The following PAX9 variants were observed in gnomAD, a reference collection of about 807,000 sequenced individuals.
PAX9 encodes paired box protein Pax-9.
A neutral mutation model predicts 29.1 loss-of-function variants in PAX9; 6 were observed. The ratio of observed to expected loss-of-function variants is 0.21; its 90% CI spans 0.11 to 0.41. The LOEUF (loss-of-function observed/expected upper bound fraction) is 0.41. Among genes scored for constraint, PAX9 ranks in the 10% least tolerant of loss-of-function variants. PAX9 has a pLI of 1.00. For synonymous variants in PAX9, 217 were observed against 211.7 expected (o/e 1.03, Z -0.22); for missense variants, 443 against 479.1 (o/e 0.92, Z 0.70).
At chr14:36,657,568 C>T (rs1022896599), upstream of PAX9, 2 of 152,234 alleles carry the variant, frequency 1.3e-5, no homozygotes, top group African/African-American at 4.8e-5. Context: ...AGCAACAGGC[C>T]CCTCCCCTGC....
rs1882069830 is a variant in PAX9 at position 36,679,252 on chromosome 14, A to T, written c.*2800A>T. The T allele has an allele frequency of 2.0e-6, 2 of 984,178 alleles. No individual in the cohort carries two copies. Among genetic ancestry groups the T allele is most frequent in the Non-Finnish European group, 2.4e-6 (2 of 828,784 alleles). The allele number at this position is 984,178 out of a possible 1,614,324, so 61.0% of individuals were successfully genotyped here. ...ATTGGACTGAAATATAAATTTTAAAAAACACGTTGGAAAGGATGTACAACA... is the reference window on the plus strand; with the variant it reads ...ATTGGACTGAAATATAAATTTTAAATAACACGTTGGAAAGGATGTACAACA... On this transcript the variant is annotated 3_prime_UTR_variant, in exon 4 of 4. Coordinates refer to ENST00000361487, the MANE Select transcript of PAX9 (RefSeq NM_001372076.1).
intron 1 of PAX9, 114 bp downstream of exon 1, chr14:36,662,207 C>A: frequency 1.7e-6 from 2 of 1,179,944 alleles, no homozygotes; most frequent in South Asian, 1.6e-5. Flanking sequence ...CGCTCACATT[C>A]TCTATTGACT....
chr14:36,667,009 T>C (rs1456283476), intron 3 of PAX9, among the ~76,000 whole-genome samples: 1 of 152,030 alleles, frequency 6.6e-6, no homozygotes, highest in African/African-American at 2.4e-5. Flanking sequence ...CCCTGGGGCC[T>C]CAGAGCCGCG....
At chr14:36,675,020 G>C (rs980860811) in intron 3 of PAX9, among the ~76,000 whole-genome samples, 11 of 152,150 alleles carry the variant, frequency 7.2e-5, no homozygotes, top group African/African-American at 2.7e-4. Context: ...TAATTCCTGT[G>C]TTGCAATTGA....
In PAX9 at chr14:36,677,265, C is replaced by T. The variant is rs1409595274; in HGVS notation, c.*813C>T. The T allele has an allele frequency of 1.3e-5, 2 of 152,162 alleles. No homozygotes were observed. Among genetic ancestry groups the T allele is most frequent in the Non-Finnish European group, 2.9e-5 (2 of 68,114 alleles). The allele number at this position is 152,162 out of a possible 1,614,324, so 9.4% of individuals were successfully genotyped here. A position where few individuals can be genotyped will look rare whatever the true frequency, so the allele number is the denominator to read the frequency against. ...GTTTGGTGGTGGGCTGCTCGGGCTC[C>T]TGGACCTGGACTTGCCCCCAAATTT... On this transcript the variant is annotated 3_prime_UTR_variant, in exon 4 of 4. Transcript: ENST00000361487.
intron 3 of PAX9, among the ~76,000 whole-genome samples, chr14:36,673,068 G>A (rs1371556724): frequency 1.3e-5 from 2 of 151,346 alleles, no homozygotes; most frequent in Non-Finnish European, 2.9e-5. Flanking sequence ...GTTTCACTAT[G>A]TTGGCCAGGC....
In PAX9 at chr14:36,663,457, C is replaced by T. The variant is rs1298394734; in HGVS notation, c.565C>T (p.Pro189Ser). The T allele has an allele frequency of 2.5e-6, 4 of 1,612,982 alleles. No individual in the cohort carries two copies. Among genetic ancestry groups the T allele is most frequent in the Non-Finnish European group, 3.4e-6 (4 of 1,179,770 alleles). ...TGCCATCCCCGGTTCGGTGGCCATG[C>T]CGCGCACCTGGCCCTCCTCGCACTC... ...VPAIPGSVAM[P>S]RTWPSSHSVT... The change falls in exon 2 of 4, where the codon CCG (proline) becomes TCG (serine). Residue 189 changes from proline (P) to serine (S), a missense_variant. Transcript: ENST00000361487.
Position 36,678,693 on chromosome 14 carries a change from G to A in PAX9, c.*2241G>A, listed in dbSNP as rs1315872535. ...TTGCTTGTGTGGAAATGCAAATAAT[G>A]TTATTTTCTTTATCTAAATTAAGAA... On this transcript the variant is annotated 3_prime_UTR_variant, in exon 4 of 4. Coordinates refer to ENST00000361487, the MANE Select transcript of PAX9 (RefSeq NM_001372076.1). The A allele has an allele frequency of 2.4e-6, 3 of 1,240,964 alleles. No individual in the cohort carries two copies. Among genetic ancestry groups the A allele is most frequent in the South Asian group, 3.6e-5 (1 of 27,644 alleles). 76.9% of individuals were successfully genotyped at this position (1,240,964 alleles called of 1,614,324 possible). A position where few individuals can be genotyped will look rare whatever the true frequency, so the allele number is the denominator to read the frequency against.
rs1275089064 is a variant in PAX9, at chr14:36,678,567, T to C, written c.*2115T>C. On this transcript the variant is annotated 3_prime_UTR_variant, in exon 4 of 4. Transcript: ENST00000361487. Reference sequence around the variant, plus strand: ...TGGAGACTTCTTTAAAACCATACCATACAGGGACTCTCCTGTCATCTGAAA... The same window carrying C: ...TGGAGACTTCTTTAAAACCATACCACACAGGGACTCTCCTGTCATCTGAAA... The C allele has an allele frequency of 1.3e-6, 2 of 1,532,862 alleles. No individual in the cohort carries two copies. The highest frequency in any genetic ancestry group is 1.2e-5 in the South Asian group (1 of 83,424). The allele number at this position is 1,532,862 out of a possible 1,614,324, so 95.0% of individuals were successfully genotyped here.
chr14:36,671,294 T>C (rs759767939), intron 3 of PAX9, among the ~76,000 whole-genome samples: 13 of 152,108 alleles, frequency 8.5e-5, no homozygotes, highest in Non-Finnish European at 1.8e-4. Context: ...GTCTATAACC[T>C]CTAACTGCCA....
At position 36,677,484 on chromosome 14, in the gene PAX9, A is replaced by G. The variant is rs1189778703; in HGVS notation, c.*1032A>G. ...TCTAAAGGAAGTCACTTAGAAACTT[A>G]AGTTTAATGTGAAATGTTTTGCAAA... On this transcript the variant is annotated 3_prime_UTR_variant, in exon 4 of 4. Coordinates refer to ENST00000361487, the MANE Select transcript of PAX9 (RefSeq NM_001372076.1). 1 of 152,254 alleles carries G rather than the reference A, an allele frequency of 6.6e-6. No homozygotes were observed. The highest frequency in any genetic ancestry group is 1.5e-5 in the Non-Finnish European group (1 of 68,030). The allele number at this position is 152,254 out of a possible 1,614,324, so 9.4% of individuals were successfully genotyped here.
At chr14:36,672,520 ATGT>A (rs1881722543) in intron 3 of PAX9, among the ~76,000 whole-genome samples, 1 of 152,194 alleles carries the variant, frequency 6.6e-6, no homozygotes, top group Non-Finnish European at 1.5e-5. Context: ...TCTTTTACTA[ATGT>A]TATGTGTCAA....
rs1383515076 is a variant in PAX9 at position 36,676,409 on chromosome 14, C to A, written c.983C>A (p.Ala328Glu). 1 of 1,614,084 alleles carries A rather than the reference C, an allele frequency of 6.2e-7. No homozygotes were observed. ...TCGCTGGCGTTCAAGGGAATGCAGG[C>A]AGCCAGAGAAGGTAGTCATTCTGTC... ...PASLAFKGMQAAREGSHSVTA... is the reference protein window; with the variant it reads ...PASLAFKGMQEAREGSHSVTA... The change falls in exon 4 of 4, where the codon GCA becomes GAA. Residue 328 changes from alanine (A) to glutamate (E), a missense_variant. Ala to Glu is a moderately radical substitution (Grantham distance 107, BLOSUM62 -1). Coordinates refer to ENST00000361487, the MANE Select transcript of PAX9 (RefSeq NM_001372076.1).
At position 36,663,241 on chromosome 14, in the gene PAX9, G is replaced by A; in HGVS notation, c.349G>A (p.Val117Met). 1 of 1,614,110 alleles carries A rather than the reference G, an allele frequency of 6.2e-7. No homozygotes were observed. The highest frequency in any genetic ancestry group is 8.5e-7 in the Non-Finnish European group (1 of 1,180,040). ...LADGVCDKYN[V>M]PSVSSISRIL... ...GGACGGCGTGTGCGACAAGTACAAT[G>A]TGCCCTCCGTGAGCTCCATCAGCCG... The change falls in exon 2 of 4, where the codon GTG becomes ATG. Residue 117 changes from valine to methionine, a missense_variant. This residue lies in a region of PAX9 where 336 missense variants were observed against 317.2 expected (regional missense o/e 1.06). Coordinates refer to ENST00000361487, the MANE Select transcript of PAX9 (RefSeq NM_001372076.1).
Position 36,666,540 on chromosome 14 carries a change from C to A in PAX9, c.710C>A (p.Ala237Asp). The change falls in exon 3 of 4, where the codon GCC becomes GAC. Residue 237 changes from alanine to aspartate, a missense_variant. Transcript: ENST00000361487. ...GGCCGCAACAACTTCCCCGCCGCCGCCCCGCACGCGGTGAACGGGTTGGAG... is the reference window on the plus strand; with the variant it reads ...GGCCGCAACAACTTCCCCGCCGCCGACCCGCACGCGGTGAACGGGTTGGAG... ...SLGRNNFPAA[A>D]PHAVNGLEKG... 1 of 1,593,150 alleles carries A rather than the reference C, an allele frequency of 6.3e-7. No homozygotes were observed. The highest frequency in any genetic ancestry group is 1.1e-5 in the South Asian group (1 of 87,616).
In PAX9 at chr14:36,663,576, T is replaced by C. The variant is rs1283935038; in HGVS notation, c.631+53T>C. 2.5e-6 allele frequency: 4 copies of C among 1,604,836 alleles called. No individual in the cohort carries two copies. In the African/African-American group the frequency reaches 4.0e-5, roughly 16 times the overall value. On this transcript the variant is annotated intron_variant, in intron 2 of 3. Coordinates refer to ENST00000361487, the MANE Select transcript of PAX9 (RefSeq NM_001372076.1). ...ATGTGCAGCGTCTGCCCCCGCACTC[T>C]CGCGGAGGTCCCAGTATCTGCAGCC...
intron 3 of PAX9, among the ~76,000 whole-genome samples, chr14:36,674,827 C>T (rs1881824557): frequency 1.3e-5 from 2 of 152,112 alleles, no homozygotes; most frequent in African/African-American, 4.8e-5. Context: ...AAGGCTAACC[C>T]CTCTAATATT....
At chr14:36,665,559 C>G (rs1352556962) in intron 2 of PAX9, among the ~76,000 whole-genome samples, 1 of 152,136 alleles carries the variant, frequency 6.6e-6, no homozygotes, top group Admixed American at 6.5e-5. Context: ...ATTCAATATT[C>G]TCAACCCCAG....
intron 3 of PAX9, among the ~76,000 whole-genome samples, chr14:36,674,677 A>G (rs1881817844): frequency 6.6e-6 from 1 of 152,242 alleles, no homozygotes; most frequent in Admixed American, 6.5e-5. Context: ...ATTACTCAGT[A>G]AAATATGTTG....
Sources: allele counts gnomAD v4.1 joint callset (sites outside exome capture counted in the v4.1 genomes callset), GRCh38; gene constraint gnomAD v4.1.1; regional missense constraint gnomAD v4.1.1; transcripts MANE v1.5; gene names NCBI Gene and HGNC (gene_info 2026-07-23, HGNC 2026-07-21).